The following CYP4F2 variants were observed in gnomAD, a reference collection of about 807,000 sequenced individuals.
CYP4F2 encodes cytochrome P450 4F2.
Under a neutral mutation model 58.9 loss-of-function variants are expected in CYP4F2, and 58 were observed. The ratio of observed to expected loss-of-function variants is 0.98; its 90% CI spans 0.80 to 1.23. CYP4F2 has a LOEUF of 1.23. Among genes scored for constraint, CYP4F2 ranks in the 50% most tolerant of loss-of-function variants. The pLI is 0.00. For synonymous variants in CYP4F2, 287 were observed against 261.1 expected (o/e 1.10, Z -0.95); for missense variants, 616 against 685.6 (o/e 0.90, Z 1.13).
intron 12 of CYP4F2, 128 bp from the exon 13 acceptor site, chr19:15,879,064 G>C (rs1186025631): frequency 1.4e-6 from 2 of 1,407,852 alleles, no homozygotes; most frequent in African/African-American, 2.9e-5. Flanking sequence ...GGGGGTATCC[G>C]TGCCTGGATC....
In CYP4F2 at chr19:15,897,840, A is replaced by AGAGAGAGACT. The variant is rs1555775396; in HGVS notation, c.-2+185_-2+186insAGTCTCTCTC. On this transcript the variant is annotated intron_variant, in intron 1 of 12. Transcript: ENST00000221700. ...AGCACTTAGAATGGGAAAGAGAGAG[A>AGAGAGAGACT]GAGACTGATTAAAGTCCAGAAAGGC... is the stretch of plus-strand genomic sequence containing the variant. 3 of 521,660 alleles carry AGAGAGAGACT rather than the reference A, an allele frequency of 5.8e-6. No individual in the cohort carries two copies. The African/African-American group carries it at 5.9e-5, about 10-fold the overall frequency. The allele number at this position is 521,660 out of a possible 1,614,324, so 32.3% of individuals were successfully genotyped here. A position where few individuals can be genotyped will look rare whatever the true frequency, so the allele number is the denominator to read the frequency against.
Position 15,897,592 on chromosome 19 carries a change from G to A in CYP4F2, c.20C>T (p.Ser7Phe), listed in dbSNP as rs3093104. 6.2e-7 allele frequency: 1 copy of A among 1,613,620 alleles called. No homozygotes were observed. Among genetic ancestry groups the A allele is most frequent in the African/African-American group, 1.3e-5 (1 of 74,906 alleles). ...TGCCACTGGCCAGAGGCCCAGCCAG[G>A]ACAGGCTCAGCTGGGACATCCTGCA... MSQLSL[S>F]WLGLWPVAAS... is the part of the protein sequence containing the mutation. The change falls in exon 2 of 13, where the codon TCC becomes TTC. Residue 7 changes from serine to phenylalanine, a missense_variant. Coordinates refer to ENST00000221700, the MANE Select transcript of CYP4F2 (RefSeq NM_001082.5).
intron 9 of CYP4F2, among the ~76,000 whole-genome samples, chr19:15,882,362 A>C (rs2089351275): frequency 6.6e-6 from 1 of 152,226 alleles, no homozygotes; most frequent in African/African-American, 2.4e-5. Context: ...AAAGGATAGA[A>C]GCTTCAGTTA....
chr19:15,887,983 C>G (rs903347598), intron 7 of CYP4F2, among the ~76,000 whole-genome samples: 4 of 150,816 alleles, frequency 2.7e-5, no homozygotes, highest in Non-Finnish European at 4.4e-5. Flanking sequence ...GACTTAGAAA[C>G]ACAGACACAC....
intron 2 of CYP4F2, 58 bp from the exon 3 acceptor site, chr19:15,895,708 G>C (rs768465508): frequency 1.3e-4 from 210 of 1,566,738 alleles, no homozygotes; most frequent in Non-Finnish European, 1.7e-4. Context: ...GTGTCTACTT[G>C]ACTGGGCTAA....
chr19:15,881,661 G>A (rs1302613421), intron 9 of CYP4F2, among the ~76,000 whole-genome samples: 1 of 152,048 alleles, frequency 6.6e-6, no homozygotes, highest in Non-Finnish European at 1.5e-5. Context: ...TAGGTGGGGT[G>A]GCAGGATTGT....
intron 5 of CYP4F2, among the ~76,000 whole-genome samples, chr19:15,891,199 T>C (rs1346494200): frequency 6.6e-6 from 1 of 152,222 alleles, no homozygotes; most frequent in African/African-American, 2.4e-5. Flanking sequence ...ATGTTGCTTT[T>C]GCTTTCTATA....
At chr19:15,897,203 T>A (rs1012541680) in intron 2 of CYP4F2, among the ~76,000 whole-genome samples, 2 of 152,050 alleles carry the variant, frequency 1.3e-5, no homozygotes, top group African/African-American at 4.8e-5. Flanking sequence ...AAGGATTCAA[T>A]GCAGGCCTGG....
intron 5 of CYP4F2, among the ~76,000 whole-genome samples, chr19:15,891,718 A>G (rs750407732): frequency 1.3e-5 from 2 of 152,118 alleles, no homozygotes; most frequent in African/African-American, 2.4e-5. Flanking sequence ...ATTGTGAACC[A>G]TGGCGCGCCT....
At chr19:15,889,090 A>G (rs2089399958) in intron 7 of CYP4F2, among the ~76,000 whole-genome samples, 1 of 152,256 alleles carries the variant, frequency 6.6e-6, no homozygotes, top group South Asian at 2.1e-4. Context: ...ACACAAACTC[A>G]AACAGAGACA....
At chr19:15,897,781 A>C in intron 1 of CYP4F2, 169 bp from the exon 2 acceptor site, 1 of 743,102 alleles carries the variant, frequency 1.3e-6, no homozygotes, top group Non-Finnish European at 2.1e-6. Context: ...GCCCAACCAA[A>C]ACCAGCAGCC....
intron 2 of CYP4F2, 95 bp downstream of exon 2, chr19:15,897,319 C>T: frequency 1.5e-6 from 1 of 656,186 alleles, no homozygotes; most frequent in Non-Finnish European, 2.6e-6. Context: ...CACCCCAGAT[C>T]CCAGCCCACC....
rs757642625 is a variant in CYP4F2, at chr19:15,886,041, G to T, written c.998C>A (p.Thr333Lys). The change falls in exon 9 of 13, where the codon ACG becomes AAG. Residue 333 changes from threonine (T) to lysine (K), a missense_variant. By Grantham distance (78) the Thr-to-Lys change is moderately conservative. Transcript: ENST00000221700. ...DTFMFEGHDT[T>K]ASGLSWVLYH... ...CAGGACCCAGGAGAGACCACTGGCCGTGGTGTCATGGCCTGGGGGGCAGCA... is the reference window on the plus strand; with the variant it reads ...CAGGACCCAGGAGAGACCACTGGCCTTGGTGTCATGGCCTGGGGGGCAGCA... 1 of 1,613,692 alleles carries T rather than the reference G, an allele frequency of 6.2e-7. No individual in the cohort carries two copies. The highest frequency in any genetic ancestry group is 1.3e-5 in the African/African-American group (1 of 74,910).
chr19:15,897,334 C>G, intron 2 of CYP4F2, 80 bp downstream of exon 2: 2 of 811,260 alleles, frequency 2.5e-6, no homozygotes, highest in Non-Finnish European at 3.9e-6. Context: ...CCCACCCCTT[C>G]ACCCCCACTC....
At chr19:15,887,839 CAT>C (rs2089390007) in intron 7 of CYP4F2, among the ~76,000 whole-genome samples, 1 of 151,848 alleles carries the variant, frequency 6.6e-6, no homozygotes, top group Non-Finnish European at 1.5e-5. Flanking sequence ...CACACATAAA[CAT>C]AGACATAGAC....
Position 15,878,927 on chromosome 19 carries a change from G to A in CYP4F2, c.1407C>T (p.Ile469=), listed in dbSNP as rs537884263. 4.3e-6 allele frequency: 7 copies of A among 1,613,460 alleles called. No individual in the cohort carries two copies. The highest frequency in any genetic ancestry group is 3.3e-5 in the Admixed American group (2 of 60,002). The change falls in exon 13 of 13, where the codon ATC becomes ATT. Residue 469 remains isoleucine (I), a synonymous_variant. Transcript: ENST00000221700. ...TCTCCGCCATCGCGAACGTCTGCCC[G>A]ATGCAGTTCCTAGGGGAGGGAGGTG... is the stretch of plus-strand genomic sequence containing the variant. ...IPFSAGPRNC[I]GQTFAMAEMK... is the part of the protein sequence containing the mutation.
chr19:15,886,717 G>T (rs1277960533), intron 7 of CYP4F2, among the ~76,000 whole-genome samples: 2 of 152,118 alleles, frequency 1.3e-5, no homozygotes. Context: ...GAGACGTTTG[G>T]GTTGTAAGGC....
intron 9 of CYP4F2, among the ~76,000 whole-genome samples, chr19:15,880,253 G>C (rs1212150865): frequency 2.0e-5 from 3 of 152,062 alleles, no homozygotes; most frequent in African/African-American, 4.8e-5. Context: ...CAAGATGGTA[G>C]TTTTTGCAGA....
chr19:15,890,710 G>A (rs1452390122), intron 5 of CYP4F2, among the ~76,000 whole-genome samples: 1 of 152,124 alleles, frequency 6.6e-6, no homozygotes, highest in Non-Finnish European at 1.5e-5. Flanking sequence ...CCTATATCCT[G>A]CCTGTCAAAT....
Sources: gnomAD v4.1 joint callset for allele counts (sites outside exome capture counted in the v4.1 genomes callset) on GRCh38, gnomAD v4.1.1 for gene constraint, MANE v1.5 for transcripts, NCBI Gene and HGNC (gene_info 2026-07-23, HGNC 2026-07-21) for gene names.